NRDE2: variants seen among roughly 807,000 people sequenced by gnomAD.
NRDE2 encodes the protein nuclear exosome regulator NRDE2.
NRDE2 carries 76 observed loss-of-function variants against 124.2 expected under a neutral mutation model. The ratio of observed to expected loss-of-function variants is 0.61; its 90% CI spans 0.51 to 0.74. NRDE2 has a LOEUF of 0.74. Among genes scored for constraint, NRDE2 ranks in the 30% least tolerant of loss-of-function variants. The pLI is 0.00. For missense variants in NRDE2, 1,314 were observed against 1,417.3 expected (o/e 0.93, Z 1.17); for synonymous variants, 489 against 528.1 (o/e 0.93, Z 1.01).
chr14:90,312,622 A>G, intron 3 of NRDE2, 79 bp from the exon 4 acceptor site: 1 of 1,430,018 alleles, frequency 7.0e-7, no homozygotes, highest in Non-Finnish European at 9.8e-7. Flanking sequence ...TTTCAGCAAT[A>G]TGAGAGTTAA....
rs1884455865 is a variant in NRDE2, at chr14:90,302,885, C to T, written c.1246G>A (p.Ala416Thr). The change falls in exon 6 of 14, where the codon GCC becomes ACC. Residue 416 changes from alanine (A) to threonine (T), a missense_variant. By Grantham distance (58) the Ala-to-Thr change is moderately conservative (BLOSUM62 0). Coordinates refer to ENST00000354366, the MANE Select transcript of NRDE2 (RefSeq NM_017970.4). The stretch of plus-strand genomic sequence containing the variant: ...AATAAAAGGTATTTCTGCCAAAGGG[C>T]TGTATTATTGGGATGCAAAAATATC... Reference protein sequence around the residue: ...KLIFLHPNNTALWQKYLLFCQ... With the variant: ...KLIFLHPNNTTLWQKYLLFCQ... 1 of 1,613,990 alleles carries T rather than the reference C, an allele frequency of 6.2e-7. No homozygotes were observed. The highest frequency in any genetic ancestry group is 8.5e-7 in the Non-Finnish European group (1 of 1,180,044).
In NRDE2 at chr14:90,271,529, T is replaced by C. The variant is rs975819995; in HGVS notation, c.*6807A>G. The stretch of plus-strand genomic sequence containing the variant: ...CTGTAGTATTATTCCATAGTATAGA[T>C]ACTGCCACTTACAGTATCTAACCAG... On this transcript the variant is annotated 3_prime_UTR_variant, in exon 14 of 14. Coordinates refer to ENST00000354366, the MANE Select transcript of NRDE2 (RefSeq NM_017970.4). 1 of 152,218 alleles carries C rather than the reference T, an allele frequency of 6.6e-6. No individual in the cohort carries two copies. Among genetic ancestry groups the C allele is most frequent in the African/African-American group, 2.4e-5 (1 of 41,446 alleles). 9.4% of individuals were successfully genotyped at this position (152,218 alleles called of 1,614,324 possible).
rs1158129373 is a variant in NRDE2, at chr14:90,311,407, G to T, written c.557+987C>A. ...ACGTGTTGTGGGAGGGGCTTGGTGG[G>T]AGGTAATTGAATCATGGGGGCAGGT... On this transcript the variant is annotated intron_variant, in intron 4 of 13. Transcript: ENST00000354366. Among the ~76,000 whole-genome samples the T allele has an allele frequency of 2.0e-5, 3 of 152,230 alleles. No individual in the cohort carries two copies. The East Asian group carries it at 5.8e-4, about 29-fold the overall frequency.
Position 90,274,426 on chromosome 14 carries a change from C to CT in NRDE2, c.*3909dup, listed in dbSNP as rs1891747619. On this transcript the variant is annotated 3_prime_UTR_variant, in exon 14 of 14. Coordinates refer to ENST00000354366, the MANE Select transcript of NRDE2 (RefSeq NM_017970.4). ...ACAGGACAGTGGGAGCCAGGTTTCT[C>CT]TGAGGAGTTAGACACAGAAAGAAGA... 1 of 153,638 alleles carries CT rather than the reference C, an allele frequency of 6.5e-6. No individual in the cohort carries two copies. The highest frequency in any genetic ancestry group is 2.4e-5 in the African/African-American group (1 of 41,378). 9.5% of individuals were successfully genotyped at this position (153,638 alleles called of 1,614,324 possible).
chr14:90,311,379 C>G (rs117065625), intron 4 of NRDE2, among the ~76,000 whole-genome samples: 2,089 of 152,126 alleles, frequency 0.014, 26 homozygotes, highest in Middle Eastern at 0.024. Flanking sequence ...TCCCATAATC[C>G]CCACGTGTTG....
At chr14:90,279,000 T>C in intron 13 of NRDE2, 62 bp downstream of exon 13, 3 of 1,186,902 alleles carry the variant, frequency 2.5e-6, no homozygotes, top group Middle Eastern at 1.9e-4. Context: ...AGACACTAGC[T>C]GGACGGAGAC....
intron 8 of NRDE2, among the ~76,000 whole-genome samples, chr14:90,293,947 G>C (rs928213669): frequency 3.3e-5 from 5 of 152,152 alleles, no homozygotes; most frequent in Non-Finnish European, 7.4e-5. Context: ...CTTGGGCACT[G>C]ATCCCAGATA....
intron 1 of NRDE2, among the ~76,000 whole-genome samples, chr14:90,321,308 C>T (rs1327760502): frequency 3.3e-5 from 5 of 152,098 alleles, no homozygotes; most frequent in Admixed American, 2.0e-4. Flanking sequence ...CTCAAGCGAT[C>T]CTCCTGCTTC....
chr14:90,309,365 T>C (rs934967510), intron 4 of NRDE2, among the ~76,000 whole-genome samples: 2 of 149,418 alleles, frequency 1.3e-5, no homozygotes, highest in African/African-American at 2.5e-5. Context: ...CCCAGCTATT[T>C]AGGAGACTGA....
intron 9 of NRDE2, among the ~76,000 whole-genome samples, 166 bp from the exon 10 acceptor site, chr14:90,290,773 A>C (rs1213777652): frequency 6.6e-6 from 1 of 152,244 alleles, no homozygotes; most frequent in Non-Finnish European, 1.5e-5. Flanking sequence ...GAGGCCTTGC[A>C]AGGCAACCTG....
chr14:90,297,723 C>T (rs537281324), intron 8 of NRDE2, among the ~76,000 whole-genome samples: 22 of 152,008 alleles, frequency 1.4e-4, no homozygotes, highest in Non-Finnish European at 1.8e-4. Flanking sequence ...CGCTGGAGGT[C>T]AGGTGTTTGA....
At chr14:90,312,994 C>T (rs1884899854) in intron 3 of NRDE2, among the ~76,000 whole-genome samples, 1 of 152,206 alleles carries the variant, frequency 6.6e-6, no homozygotes, top group African/African-American at 2.4e-5. Flanking sequence ...ATCAAGTGTG[C>T]TGCCCTAACT....
intron 4 of NRDE2, among the ~76,000 whole-genome samples, chr14:90,308,668 A>G (rs535539065): frequency 6.6e-6 from 1 of 152,324 alleles, no homozygotes; most frequent in Admixed American, 6.5e-5. Flanking sequence ...TGTTCCTCCT[A>G]AAGTGTGAAA....
chr14:90,311,339 C>G (rs1884829867), intron 4 of NRDE2, among the ~76,000 whole-genome samples: 3 of 152,096 alleles, frequency 2.0e-5, no homozygotes, highest in Admixed American at 2.0e-4. Context: ...TTGGCTCTGT[C>G]CCCACCCAAA....
At position 90,272,695 on chromosome 14, in the gene NRDE2, G is replaced by A. The variant is rs1015252620; in HGVS notation, c.*5641C>T. On this transcript the variant is annotated 3_prime_UTR_variant, in exon 14 of 14. Transcript: ENST00000354366. The surrounding 1 kb of genome is among the most constrained non-coding windows in gnomAD (Gnocchi z 4.5). Reference sequence around the variant, plus strand: ...AGCCTGTGGGTGGACCCAGCTACAGGGAAGCCTTTGGACAGGAACTCAGGC... The same window carrying A: ...AGCCTGTGGGTGGACCCAGCTACAGAGAAGCCTTTGGACAGGAACTCAGGC... 1 of 260,054 alleles carries A rather than the reference G, an allele frequency of 3.8e-6. No individual in the cohort carries two copies. Among genetic ancestry groups the A allele is most frequent in the Non-Finnish European group, 7.6e-6 (1 of 131,528 alleles). The allele number at this position is 260,054 out of a possible 1,614,324, so 16.1% of individuals were successfully genotyped here.
At position 90,271,046 on chromosome 14, in the gene NRDE2, T is replaced by G. The variant is rs1308279600; in HGVS notation, c.*7290A>C. 2 of 96,520 alleles carry G rather than the reference T, an allele frequency of 2.1e-5. No homozygotes were observed. Among genetic ancestry groups the G allele is most frequent in the Non-Finnish European group, 4.9e-5 (2 of 40,780 alleles). The allele number at this position is 96,520 out of a possible 1,614,324, so 6.0% of individuals were successfully genotyped here. On this transcript the variant is annotated 3_prime_UTR_variant, in exon 14 of 14. Coordinates refer to ENST00000354366, the MANE Select transcript of NRDE2 (RefSeq NM_017970.4). ...AAAATCTATCTTCTTTTTTAAAAATTGAAAGATCTTAAAATTTTAAGATAA... is the reference window on the plus strand; with the variant it reads ...AAAATCTATCTTCTTTTTTAAAAATGGAAAGATCTTAAAATTTTAAGATAA...
intron 1 of NRDE2, among the ~76,000 whole-genome samples, chr14:90,326,048 C>T (rs114391770): frequency 3.0e-3 from 453 of 152,264 alleles, no homozygotes; most frequent in African/African-American, 0.011. Flanking sequence ...TGGAAAGAGT[C>T]CAAATGTCCT....
chr14:90,304,427 C>T, intron 4 of NRDE2, 45 bp from the exon 5 acceptor site: 5 of 1,424,546 alleles, frequency 3.5e-6, no homozygotes, highest in Non-Finnish European at 3.8e-6. Context: ...AATACGTGTA[C>T]TACCTCTGAA....
intron 12 of NRDE2, 156 bp from the exon 13 acceptor site, chr14:90,279,289 AG>A: frequency 1.6e-6 from 1 of 636,862 alleles, no homozygotes. Flanking sequence ...GGACAGGGGC[AG>A]GTGCCAGGGA....
Sources: gnomAD v4.1 joint callset for allele counts (sites outside exome capture counted in the v4.1 genomes callset) on GRCh38, gnomAD v4.1.1 for gene constraint, Gnocchi (gnomAD v3.1) non-coding constraint, MANE v1.5 for transcripts, NCBI Gene and HGNC (gene_info 2026-07-23, HGNC 2026-07-21) for gene names.